Variants in MYO5A observed in about 807,000 individuals in gnomAD.
The protein encoded by MYO5A is myosin VA.
MYO5A carries 98 observed loss-of-function variants against 249.7 expected under a neutral mutation model. That is an observed-to-expected ratio of 0.39 (90% confidence interval 0.33 to 0.46). The LOEUF is 0.46. Ranked by LOEUF, MYO5A falls within the 20% of genes least tolerant of loss-of-function variation. The probability of loss-of-function intolerance (pLI) is 0.98; values close to 1 mark genes in which losing one functional copy is unlikely to be tolerated. For missense variants in MYO5A, 1,696 were observed against 2,308.8 expected (o/e 0.73, Z 5.44); for synonymous variants, 778 against 810.6 (o/e 0.96, Z 0.68).
intron 1 of MYO5A, among the ~76,000 whole-genome samples, chr15:52,439,816 G>GA (rs1363024363): frequency 6.6e-6 from 1 of 152,020 alleles, no homozygotes; most frequent in African/African-American, 2.4e-5. Flanking sequence ...TGGGATTAAA[G>GA]AAAAAACCTA....
intron 1 of MYO5A, among the ~76,000 whole-genome samples, chr15:52,486,588 C>G (rs779375803): frequency 2.0e-5 from 3 of 152,062 alleles, no homozygotes; most frequent in Admixed American, 6.6e-5. Context: ...CAGTTGAAAA[C>G]AAGAGACTCT....
intron 27 of MYO5A, among the ~76,000 whole-genome samples, chr15:52,352,276 C>A (rs997203049): frequency 2.0e-5 from 3 of 152,208 alleles, no homozygotes; most frequent in African/African-American, 7.2e-5. Context: ...TAGAGTGCCA[C>A]CGACACTAGC....
At chr15:52,400,684 A>G (rs903032136) in intron 9 of MYO5A, among the ~76,000 whole-genome samples, 2 of 152,158 alleles carry the variant, frequency 1.3e-5, no homozygotes, top group African/African-American at 2.4e-5. Context: ...TTGGGCAGAA[A>G]TACCAGAGAA....
chr15:52,381,204 G>A (rs1486167279), intron 16 of MYO5A, among the ~76,000 whole-genome samples: 4 of 152,250 alleles, frequency 2.6e-5, no homozygotes, highest in East Asian at 3.9e-4. Context: ...TGGTGGAAGA[G>A]CGGGTTGGTT....
intron 30 of MYO5A, among the ~76,000 whole-genome samples, 163 bp downstream of exon 30, chr15:52,346,198 A>G (rs2039619089): frequency 6.6e-6 from 1 of 152,228 alleles, no homozygotes. Context: ...ATTATAATGA[A>G]GATCTTAACT....
At chr15:52,389,552 A>G (rs1595578264) in intron 12 of MYO5A, among the ~76,000 whole-genome samples, 189 bp from the exon 13 acceptor site, 1 of 152,178 alleles carries the variant, frequency 6.6e-6, no homozygotes, top group South Asian at 2.1e-4. Flanking sequence ...AATGAATAGT[A>G]TGACTGAGAC....
At chr15:52,384,069 G>T in intron 15 of MYO5A, 92 bp downstream of exon 15, 2 of 1,515,306 alleles carry the variant, frequency 1.3e-6, no homozygotes, top group Non-Finnish European at 1.8e-6. Flanking sequence ...CCTCACCTGA[G>T]GATCCCACCT....
At chr15:52,518,962 A>G (rs1049397256) in intron 1 of MYO5A, among the ~76,000 whole-genome samples, 15 of 152,326 alleles carry the variant, frequency 9.8e-5, no homozygotes, top group Admixed American at 3.3e-4. Context: ...TTATTCCATT[A>G]TAGGTGTGGG....
intron 5 of MYO5A, among the ~76,000 whole-genome samples, chr15:52,411,845 G>A (rs1244357668): frequency 2.0e-5 from 3 of 151,992 alleles, no homozygotes; most frequent in Non-Finnish European, 4.4e-5. Context: ...TTTTGTTTTG[G>A]CAGTGAGGAC....
At chr15:52,462,367 G>C (rs772409824) in intron 1 of MYO5A, among the ~76,000 whole-genome samples, 49 of 152,020 alleles carry the variant, frequency 3.2e-4, no homozygotes, top group Middle Eastern at 3.4e-3. Context: ...CAAGGCTGCA[G>C]TGTTCATCTG....
intron 30 of MYO5A, among the ~76,000 whole-genome samples, chr15:52,344,735 C>A (rs1260900976): frequency 6.6e-6 from 1 of 152,202 alleles, no homozygotes; most frequent in African/African-American, 2.4e-5. Flanking sequence ...TCAGAGGATT[C>A]CATTATCTTT....
chr15:52,337,389 G>A (rs1368543342), intron 33 of MYO5A, among the ~76,000 whole-genome samples: 1 of 152,216 alleles, frequency 6.6e-6, no homozygotes, highest in Non-Finnish European at 1.5e-5. Context: ...AGGGCTATGA[G>A]TCAGCAATGT....
intron 1 of MYO5A, among the ~76,000 whole-genome samples, chr15:52,479,938 T>G (rs1436741626): frequency 6.7e-6 from 1 of 148,930 alleles, no homozygotes; most frequent in East Asian, 2.0e-4. Flanking sequence ...AGTTTGTGTG[T>G]GTATTCCTGA....
chr15:52,337,731 G>T (rs2039183958), intron 33 of MYO5A, 79 bp downstream of exon 33: 1 of 1,047,094 alleles, frequency 9.6e-7, no homozygotes. Flanking sequence ...GGAGGGGGCA[G>T]GCAGCAGTGT....
intron 15 of MYO5A, 142 bp from the exon 16 acceptor site, chr15:52,383,330 C>T: frequency 1.4e-6 from 1 of 727,052 alleles, no homozygotes; most frequent in Non-Finnish European, 2.4e-6. Context: ...AGAAGAGGAG[C>T]TGCCACAAAA....
intron 5 of MYO5A, among the ~76,000 whole-genome samples, chr15:52,413,147 C>CA (rs767059579): frequency 0.17 from 10,883 of 65,374 alleles, 734 homozygotes; most frequent in Middle Eastern, 0.25. Flanking sequence ...AACTCTGTCT[C>CA]AAAAAAAAAA....
intron 6 of MYO5A, 28 bp downstream of exon 6, chr15:52,410,305 A>G (rs777515430): frequency 1.2e-6 from 2 of 1,602,174 alleles, no homozygotes; most frequent in South Asian, 1.1e-5. Context: ...ATCTAACACA[A>G]GTGCATATGT....
chr15:52,517,773 A>T (rs542054479), intron 1 of MYO5A, among the ~76,000 whole-genome samples: 1 of 152,306 alleles, frequency 6.6e-6, no homozygotes. Context: ...TTCTCACAAT[A>T]CATATTAAGT....
At chr15:52,315,237 C>T (rs569948225) in intron 40 of MYO5A, among the ~76,000 whole-genome samples, 10 of 152,276 alleles carry the variant, frequency 6.6e-5, no homozygotes, top group Non-Finnish European at 1.3e-4. Context: ...GTTGGGCTTC[C>T]TCCAGGGTAT....
Sources: gnomAD v4.1 joint callset for allele counts (sites outside exome capture counted in the v4.1 genomes callset) on GRCh38, gnomAD v4.1.1 for gene constraint, MANE v1.5 for transcripts, NCBI Gene and HGNC (gene_info 2026-07-23, HGNC 2026-07-21) for gene names.